Variants in MAGI1 observed in about 807,000 individuals in gnomAD.
The protein encoded by MAGI1 is membrane-associated guanylate kinase, WW and PDZ domain-containing protein 1.
A neutral mutation model predicts 139.9 loss-of-function variants in MAGI1; 58 were observed. The observed-to-expected ratio is 0.41, with a 90% CI of 0.34 to 0.52. The LOEUF (loss-of-function observed/expected upper bound fraction) is 0.52. Among genes scored for constraint, MAGI1 ranks in the 20% least tolerant of loss-of-function variants. MAGI1 has a pLI of 0.12. For missense variants in MAGI1, 1,874 were observed against 1,901.6 expected (o/e 0.99, Z 0.27); for synonymous variants, 812 against 737.9 (o/e 1.10, Z -1.63).
rs571854043 is a variant in MAGI1 at position 65,827,884 on chromosome 3, T to A, written c.314-205796A>T. Among the ~76,000 whole-genome samples the A allele has an allele frequency of 3.9e-5, 6 of 152,258 alleles. No homozygotes were observed. In the South Asian group the frequency reaches 8.3e-4, roughly 21 times the overall value. ...TATTCTAATTGCCTGCAGCAAAAAA[T>A]TTTTTAATGTTATATGTAAAATTAA... On this transcript the variant is annotated intron_variant, in intron 1 of 22. Coordinates refer to ENST00000402939, the MANE Select transcript of MAGI1 (RefSeq NM_001033057.2).
chr3:65,763,769 T>G (rs573253825), intron 1 of MAGI1, among the ~76,000 whole-genome samples: 3 of 149,088 alleles, frequency 2.0e-5, no homozygotes, highest in African/African-American at 4.9e-5. Context: ...AAAAAAGAAA[T>G]AAATAAAAGA....
intron 13 of MAGI1, among the ~76,000 whole-genome samples, chr3:65,392,328 T>C (rs1943993052): frequency 6.6e-6 from 1 of 152,152 alleles, no homozygotes; most frequent in Non-Finnish European, 1.5e-5. Flanking sequence ...TAAAAGACTG[T>C]GGTAATCTCA....
rs188060908 is a variant in MAGI1 at position 65,597,155 on chromosome 3, G to C, written c.430+24817C>G. Among the ~76,000 whole-genome samples, 119 of 151,994 alleles carry C rather than the reference G, an allele frequency of 7.8e-4. 1 individual carries two copies. Among genetic ancestry groups the C allele is most frequent in the Admixed American group, 1.3e-3 (20 of 15,264 alleles). On this transcript the variant is annotated intron_variant, in intron 2 of 22. Coordinates refer to ENST00000402939, the MANE Select transcript of MAGI1 (RefSeq NM_001033057.2). ...CTGCTGGAGCCTATTAATATGCACG[G>C]GGACGTACTGATTTTTCCCCCCTCC...
intron 1 of MAGI1, among the ~76,000 whole-genome samples, chr3:65,791,220 C>G (rs1389022172): frequency 2.6e-5 from 4 of 152,202 alleles, no homozygotes; most frequent in Non-Finnish European, 1.5e-5. Flanking sequence ...ATGACTGGTG[C>G]AGACCCAGCC....
At chr3:65,699,415 G>C (rs1265322116) in intron 1 of MAGI1, among the ~76,000 whole-genome samples, 1 of 148,282 alleles carries the variant, frequency 6.7e-6, no homozygotes, top group Non-Finnish European at 1.5e-5. Flanking sequence ...CTGCTGTAAA[G>C]ACACACGCAC....
At chr3:65,906,600 T>C (rs1244723917) in intron 1 of MAGI1, among the ~76,000 whole-genome samples, 1 of 152,040 alleles carries the variant, frequency 6.6e-6, no homozygotes, top group Non-Finnish European at 1.5e-5. Context: ...TATACAGCCA[T>C]CTTAGCTGGG....
At chr3:65,712,984 T>C (rs1459422263) in intron 1 of MAGI1, among the ~76,000 whole-genome samples, 1 of 152,214 alleles carries the variant, frequency 6.6e-6, no homozygotes, top group African/African-American at 2.4e-5. Flanking sequence ...TCCAATTAAA[T>C]ATTCATTCAG....
chr3:65,361,358 T>A (rs1329330013), intron 21 of MAGI1, 21 bp from the exon 22 acceptor site: 11 of 1,611,056 alleles, frequency 6.8e-6, no homozygotes, highest in African/African-American at 1.3e-5. Flanking sequence ...AAAAGAAAAC[T>A]AAGTGAGATT....
chr3:65,665,782 G>T (rs929641602), intron 1 of MAGI1, among the ~76,000 whole-genome samples: 1 of 152,002 alleles, frequency 6.6e-6, no homozygotes, highest in African/African-American at 2.4e-5. Context: ...TCAACAGCGG[G>T]GCCCAGAAAT....
chr3:65,479,166 G>A (rs1052708057), intron 3 of MAGI1, among the ~76,000 whole-genome samples: 1 of 152,160 alleles, frequency 6.6e-6, no homozygotes, highest in South Asian at 2.1e-4. Flanking sequence ...CCTCACAGAA[G>A]ATTAAAAAAT....
chr3:66,012,417 C>A (rs886452940), intron 1 of MAGI1, among the ~76,000 whole-genome samples: 3 of 151,814 alleles, frequency 2.0e-5, no homozygotes, highest in African/African-American at 4.8e-5. Flanking sequence ...TCCATATCAC[C>A]AGTCTTACCT....
intron 2 of MAGI1, among the ~76,000 whole-genome samples, chr3:65,565,034 T>C (rs1402236960): frequency 6.6e-6 from 1 of 152,192 alleles, no homozygotes; most frequent in Non-Finnish European, 1.5e-5. Context: ...ATTATTTCAT[T>C]CTTTCCAAAC....
At chr3:65,859,846 C>T (rs1314728496) in intron 1 of MAGI1, among the ~76,000 whole-genome samples, 1 of 151,850 alleles carries the variant, frequency 6.6e-6, no homozygotes, top group African/African-American at 2.4e-5. Flanking sequence ...CTGCTTTAAC[C>T]CTTACCAAAA....
chr3:65,678,151 T>C (rs1421150438), intron 1 of MAGI1, among the ~76,000 whole-genome samples: 1 of 151,906 alleles, frequency 6.6e-6, no homozygotes, highest in Non-Finnish European at 1.5e-5. Context: ...GTGGGGAACA[T>C]CACACACCAG....
intron 1 of MAGI1, among the ~76,000 whole-genome samples, chr3:65,757,170 A>G (rs781210742): frequency 1.3e-5 from 2 of 152,134 alleles, no homozygotes; most frequent in Non-Finnish European, 2.9e-5. Flanking sequence ...TTGATTGTCT[A>G]TGTTAACTCT....
Position 65,791,161 on chromosome 3 carries a change from C to T in MAGI1, c.314-169073G>A, listed in dbSNP as rs199712621. On this transcript the variant is annotated intron_variant, in intron 1 of 22. Coordinates refer to ENST00000402939, the MANE Select transcript of MAGI1 (RefSeq NM_001033057.2). Reference sequence around the variant, plus strand: ...TTTAAAACAGACACCCCACACAGCGCGTGCTGTCCATGCCTCCATTACTGC... The same window carrying T: ...TTTAAAACAGACACCCCACACAGCGTGTGCTGTCCATGCCTCCATTACTGC... Among the ~76,000 whole-genome samples the T allele has an allele frequency of 7.2e-5, 11 of 152,330 alleles. No individual in the cohort carries two copies. In the East Asian group the frequency reaches 2.1e-3, roughly 29 times the overall value.
intron 1 of MAGI1, among the ~76,000 whole-genome samples, chr3:65,632,293 A>G (rs1481636833): frequency 1.3e-5 from 2 of 152,192 alleles, no homozygotes; most frequent in African/African-American, 2.4e-5. Flanking sequence ...TCCCATTTTA[A>G]TTATGGTTTT....
At chr3:65,466,623 G>A (rs1051229823) in intron 5 of MAGI1, among the ~76,000 whole-genome samples, 1 of 152,110 alleles carries the variant, frequency 6.6e-6, no homozygotes. Context: ...CCATTGGATG[G>A]GGGTAAAAAT....
intron 1 of MAGI1, among the ~76,000 whole-genome samples, chr3:65,664,272 T>C (rs1189390343): frequency 1.3e-5 from 2 of 152,188 alleles, no homozygotes; most frequent in African/African-American, 2.4e-5. Flanking sequence ...TTGCATAACG[T>C]GGCCCAGGTA....
Sources: gnomAD v4.1 joint callset for allele counts (sites outside exome capture counted in the v4.1 genomes callset) on GRCh38, gnomAD v4.1.1 for gene constraint, MANE v1.5 for transcripts, NCBI Gene and HGNC (gene_info 2026-07-23, HGNC 2026-07-21) for gene names.